Variants in L3MBTL3 observed in about 807,000 individuals in gnomAD.
L3MBTL3 encodes lethal(3)malignant brain tumor-like protein 3.
L3MBTL3 carries 27 observed loss-of-function variants against 102.3 expected under a neutral mutation model. The ratio of observed to expected loss-of-function variants is 0.26; its 90% confidence interval spans 0.19 to 0.36. The LOEUF (loss-of-function observed/expected upper bound fraction) is 0.36, where lower values mean the gene tolerates loss of function less well. L3MBTL3 is among the 10% of genes least tolerant of loss of function. L3MBTL3 has a pLI of 1.00. For synonymous variants in L3MBTL3, 340 were observed against 320.9 expected, an observed-to-expected ratio of 1.06 and a Z score of -0.64; for missense variants, 798 against 955.3, an observed-to-expected ratio of 0.84 and a Z score of 2.17.
intron 17 of L3MBTL3, among the ~76,000 whole-genome samples, chr6:130,093,966 C>T (rs1481284956): frequency 6.6e-6 from 1 of 152,134 alleles, no homozygotes; most frequent in Admixed American, 6.5e-5. Flanking sequence ...CTTGTTAATT[C>T]GTATTTAGAT....
intron 19 of L3MBTL3, among the ~76,000 whole-genome samples, chr6:130,108,842 T>C (rs1268569110): frequency 6.6e-6 from 1 of 152,116 alleles, no homozygotes; most frequent in Non-Finnish European, 1.5e-5. Context: ...GTGCTAATGC[T>C]CTCCCTCCCC....
intron 16 of L3MBTL3, among the ~76,000 whole-genome samples, chr6:130,087,068 C>T (rs1030378011): frequency 6.6e-6 from 1 of 152,022 alleles, no homozygotes; most frequent in African/African-American, 2.4e-5. Flanking sequence ...TAATTACTGG[C>T]AGTGGCAGAA....
intron 2 of L3MBTL3, among the ~76,000 whole-genome samples, chr6:130,022,591 T>TG (rs1779082965): frequency 6.6e-6 from 1 of 152,232 alleles, no homozygotes; most frequent in African/African-American, 2.4e-5. Flanking sequence ...TTTTATTCTT[T>TG]GGAGTTGAAA....
At chr6:130,087,783 C>T (rs1783778406) in intron 16 of L3MBTL3, among the ~76,000 whole-genome samples, 1 of 151,418 alleles carries the variant, frequency 6.6e-6, no homozygotes, top group Non-Finnish European at 1.5e-5. Flanking sequence ...TTTTAGAAGA[C>T]TATTTAATAC....
At chr6:130,031,128 A>G (rs975379291) in intron 2 of L3MBTL3, among the ~76,000 whole-genome samples, 1 of 152,138 alleles carries the variant, frequency 6.6e-6, no homozygotes, top group Non-Finnish European at 1.5e-5. Context: ...GGGAGGTCTT[A>G]GGAGACAGGG....
chr6:130,105,458 C>T (rs1395155028), intron 19 of L3MBTL3, among the ~76,000 whole-genome samples: 1 of 151,874 alleles, frequency 6.6e-6, no homozygotes, highest in Non-Finnish European at 1.5e-5. Context: ...ATCCTTAAAA[C>T]CACGACTGAT....
At chr6:130,026,146 G>A (rs1042858929) in intron 2 of L3MBTL3, among the ~76,000 whole-genome samples, 9 of 152,148 alleles carry the variant, frequency 5.9e-5, no homozygotes, top group African/African-American at 1.7e-4. Context: ...AAGTGCAATT[G>A]TATATCGAGT....
chr6:130,057,561 C>G (rs1485311125), intron 9 of L3MBTL3, 64 bp downstream of exon 9: 2 of 1,264,848 alleles, frequency 1.6e-6, no homozygotes, highest in Non-Finnish European at 2.2e-6. Context: ...GCCTGAATTA[C>G]GATTGTTGTT....
chr6:130,084,782 C>T (rs1462761415), intron 15 of L3MBTL3, among the ~76,000 whole-genome samples: 1 of 152,180 alleles, frequency 6.6e-6, no homozygotes, highest in Non-Finnish European at 1.5e-5. Flanking sequence ...AGGTGTCTTG[C>T]ATTGACTGCT....
intron 2 of L3MBTL3, among the ~76,000 whole-genome samples, chr6:130,038,314 T>A (rs1258469171): frequency 1.3e-5 from 2 of 152,058 alleles, no homozygotes; most frequent in Non-Finnish European, 2.9e-5. Context: ...ATATGGTATT[T>A]CTATCTTTAA....
At chr6:130,024,044 G>A (rs1293387290) in intron 2 of L3MBTL3, among the ~76,000 whole-genome samples, 1 of 152,156 alleles carries the variant, frequency 6.6e-6, no homozygotes, top group Non-Finnish European at 1.5e-5. Context: ...GCCTAATTGT[G>A]AAAATGGTAG....
chr6:130,110,436 G>GT (rs1407478854), intron 19 of L3MBTL3, among the ~76,000 whole-genome samples: 1 of 152,050 alleles, frequency 6.6e-6, no homozygotes, highest in Admixed American at 6.6e-5. Context: ...ATTCCTAGGT[G>GT]TTTTATTCTC....
rs1174329280 is a variant in L3MBTL3, at chr6:130,055,214, C to G, written c.626C>G (p.Ala209Gly). Residue 209 changes from alanine to glycine, a missense_variant, in exon 8 of 23, where the codon GCA (alanine) becomes GGA (glycine). By Grantham distance (60) the Ala-to-Gly change is moderately conservative. Around this residue, in one of 4 missense-constraint regions of L3MBTL3, gnomAD observed 434 missense variants for 506.6 expected, o/e 0.86. Transcript: ENST00000361794. ...DVRILRGSQR[A>G]RRKRRGDSAV... ...AGAATCCTGAGGGGTTCGCAGAGAG[C>G]ACGGAGGAAAAGACGAGGGGATTCG... 1 of 1,613,670 alleles carries G rather than the reference C, an allele frequency of 6.2e-7. No homozygotes were observed. Among genetic ancestry groups the G allele is most frequent in the African/African-American group, 1.3e-5 (1 of 74,970 alleles).
At chr6:130,029,236 A>ACTCCAGTG (rs1779550454) in intron 2 of L3MBTL3, among the ~76,000 whole-genome samples, 1 of 152,054 alleles carries the variant, frequency 6.6e-6, no homozygotes, top group Non-Finnish European at 1.5e-5. Context: ...GCACGTACAT[A>ACTCCAGTG]CTCCAGTGCT....
intron 10 of L3MBTL3, among the ~76,000 whole-genome samples, chr6:130,063,496 T>G (rs977142502): frequency 1.3e-5 from 2 of 152,158 alleles, no homozygotes; most frequent in Non-Finnish European, 2.9e-5. Flanking sequence ...ACAAATTACC[T>G]TGTGTGGAAC....
At chr6:130,106,621 CAGA>C (rs1257526931) in intron 19 of L3MBTL3, among the ~76,000 whole-genome samples, 4 of 152,192 alleles carry the variant, frequency 2.6e-5, no homozygotes, top group African/African-American at 9.7e-5. Context: ...TGGCTCCACT[CAGA>C]AGGTGTTAGT....
chr6:130,047,201 G>T (rs773443125), intron 3 of L3MBTL3, among the ~76,000 whole-genome samples: 1 of 151,890 alleles, frequency 6.6e-6, no homozygotes, highest in Non-Finnish European at 1.5e-5. Flanking sequence ...TATATTTTAT[G>T]GGATTAATCA....
rs752229172 is a variant in L3MBTL3, at chr6:130,052,927, A to G, written c.518A>G (p.Lys173Arg). Residue 173 changes from lysine to arginine, a missense_variant, in exon 7 of 23, where the codon AAA becomes AGA. Physicochemically the swap from Lys to Arg is conservative, Grantham distance 26. This residue lies in a region of L3MBTL3 where 434 missense variants were observed against 506.6 expected (regional missense o/e 0.86). Coordinates refer to ENST00000361794, the MANE Select transcript of L3MBTL3 (RefSeq NM_032438.4). ...EEEDPKCSRK[K>R]KPKLSLKADT... ...GAAGATCCTAAGTGTAGTCGGAAGA[A>G]AAAACCAAAATTATCTCTGAAAGCT... 1 of 1,614,026 alleles carries G rather than the reference A, an allele frequency of 6.2e-7. No individual in the cohort carries two copies.
At chr6:130,046,476 T>C (rs1780730339) in intron 3 of L3MBTL3, among the ~76,000 whole-genome samples, 1 of 152,172 alleles carries the variant, frequency 6.6e-6, no homozygotes, top group South Asian at 2.1e-4. Context: ...AGGCAAAAGA[T>C]CCTTTGACTC....
Sources: gnomAD v4.1 joint callset for allele counts (sites outside exome capture counted in the v4.1 genomes callset) on GRCh38, gnomAD v4.1.1 for gene constraint, gnomAD v4.1.1 regional missense constraint, MANE v1.5 for transcripts, NCBI Gene and HGNC (gene_info 2026-07-23, HGNC 2026-07-21) for gene names.